The following COG5 variants were observed in gnomAD, a reference collection of about 807,000 sequenced individuals.
COG5 encodes the protein component of oligomeric golgi complex 5.
In COG5, 86 loss-of-function variants were observed where a neutral mutation model predicts 110.4. The ratio of observed to expected loss-of-function variants is 0.78; its 90% CI spans 0.65 to 0.93. COG5 has a LOEUF of 0.93. Among genes scored for constraint, COG5 ranks in the 40% least tolerant of loss-of-function variants. The pLI, the probability that COG5 is intolerant of heterozygous loss-of-function variation, is 0.00. For missense variants in COG5, 1,077 were observed against 987.0 expected (o/e 1.09, Z -1.22); for synonymous variants, 360 against 334.6 (o/e 1.08, Z -0.83).
At chr7:107,384,844 G>A (rs1317684834) in intron 7 of COG5, among the ~76,000 whole-genome samples, 1 of 152,190 alleles carries the variant, frequency 6.6e-6, no homozygotes, top group African/African-American at 2.4e-5. Context: ...AGAACTGTGA[G>A]GAAATAAACT....
chr7:107,534,064 C>A (rs1423000716), intron 5 of COG5, among the ~76,000 whole-genome samples: 4 of 151,588 alleles, frequency 2.6e-5, no homozygotes, highest in African/African-American at 9.8e-5. Context: ...TCCAGCCAAA[C>A]TAAGCATCAT....
intron 5 of COG5, 121 bp downstream of exon 5, chr7:107,547,990 C>T: frequency 1.2e-6 from 1 of 820,946 alleles, no homozygotes; most frequent in Non-Finnish European, 2.0e-6. Flanking sequence ...ATTTTTTTCT[C>T]CTTTTCTCTT....
rs766766462 is a variant in COG5 at position 107,474,885 on chromosome 7, T to C, written c.538+52352A>G. Reference sequence around the variant, plus strand: ...AGGCTACAGACATGTCACAAAGCAGTGGTGGGAGAAATGTAGTCTTTGGTG... The same window carrying C: ...AGGCTACAGACATGTCACAAAGCAGCGGTGGGAGAAATGTAGTCTTTGGTG... On this transcript the variant is annotated intron_variant, in intron 6 of 21. Coordinates refer to ENST00000297135, the MANE Select transcript of COG5 (RefSeq NM_006348.5). The surrounding 1 kb of genome is among the most constrained non-coding windows in gnomAD (Gnocchi z 5.7). 3 of 1,613,086 alleles carry C rather than the reference T, an allele frequency of 1.9e-6. No homozygotes were observed. Among genetic ancestry groups the C allele is most frequent in the Non-Finnish European group, 2.5e-6 (3 of 1,179,500 alleles).
At chr7:107,305,668 G>C (rs1022315200) in intron 11 of COG5, among the ~76,000 whole-genome samples, 3 of 152,050 alleles carry the variant, frequency 2.0e-5, no homozygotes. Context: ...ACTGGGGAAG[G>C]ATCTGCTTCC....
intron 6 of COG5, among the ~76,000 whole-genome samples, chr7:107,477,049 T>C (rs920295260): frequency 1.3e-5 from 2 of 151,716 alleles, no homozygotes; most frequent in African/African-American, 4.8e-5. Flanking sequence ...TTTAAAAAAA[T>C]GCTTCAATTT....
At chr7:107,394,380 CCT>C (rs1790839788) in intron 7 of COG5, among the ~76,000 whole-genome samples, 1 of 151,522 alleles carries the variant, frequency 6.6e-6, no homozygotes, top group Admixed American at 6.6e-5. Flanking sequence ...AAATATTTCC[CCT>C]GCTTTAGAAA....
chr7:107,278,018 T>A (rs1804842008), intron 14 of COG5, among the ~76,000 whole-genome samples: 1 of 152,140 alleles, frequency 6.6e-6, no homozygotes. Flanking sequence ...CTGATATGAA[T>A]AAAATCTATA....
At chr7:107,433,660 C>T (rs538958917) in intron 6 of COG5, among the ~76,000 whole-genome samples, 34 of 152,222 alleles carry the variant, frequency 2.2e-4, no homozygotes, top group South Asian at 8.3e-4. Context: ...CTTAGCTATA[C>T]GCAAAATTTA....
intron 10 of COG5, among the ~76,000 whole-genome samples, chr7:107,352,107 T>C (rs13234621): frequency 6.8e-6 from 1 of 147,300 alleles, no homozygotes; most frequent in East Asian, 2.0e-4. Context: ...GGCACATATA[T>C]ACCATGGAAT....
At chr7:107,511,513 G>A (rs895512127) in intron 6 of COG5, among the ~76,000 whole-genome samples, 4 of 152,114 alleles carry the variant, frequency 2.6e-5, no homozygotes, top group Admixed American at 2.6e-4. Flanking sequence ...CCAATCAATA[G>A]AAAAAGAGGG....
chr7:107,326,761 T>G (rs1193769769), intron 10 of COG5, among the ~76,000 whole-genome samples: 4 of 152,170 alleles, frequency 2.6e-5, no homozygotes, highest in Non-Finnish European at 5.9e-5. Flanking sequence ...ATGGCATTTT[T>G]GCAGAAATAA....
intron 6 of COG5, among the ~76,000 whole-genome samples, chr7:107,482,604 G>GA (rs11365572): frequency 3.3e-5 from 5 of 151,446 alleles, no homozygotes; most frequent in African/African-American, 4.9e-5. Flanking sequence ...CTGCCTTCTT[G>GA]AAAAAAAACT....
intron 6 of COG5, among the ~76,000 whole-genome samples, chr7:107,479,888 A>C (rs1797224017): frequency 6.6e-6 from 1 of 152,170 alleles, no homozygotes; most frequent in Non-Finnish European, 1.5e-5. Context: ...TATTTTAACT[A>C]TAAAAATACA....
intron 16 of COG5, 38 bp from the exon 17 acceptor site, chr7:107,248,537 G>T: frequency 7.0e-7 from 1 of 1,427,070 alleles, no homozygotes; most frequent in Non-Finnish European, 9.7e-7. Context: ...GAAGAGGCAA[G>T]ATTAAAGAAA....
At chr7:107,422,536 C>G (rs1376688622) in intron 6 of COG5, among the ~76,000 whole-genome samples, 3 of 151,608 alleles carry the variant, frequency 2.0e-5, no homozygotes, top group Non-Finnish European at 4.4e-5. Flanking sequence ...TCAGACAAAA[C>G]AAAACTAAAC....
chr7:107,270,882 C>CTTTTTTTTTTTTTTTTT lies in COG5; in HGVS notation c.1575+10401_1575+10417dup, dbSNP rs56971368. ...TTATACTTCATTATCCTAACTAGAA[C>CTTTTTTTTTTTTTTTTT]TTTTTTTTTTTTTTTTTTTTTTTTT... On this transcript the variant is annotated intron_variant, in intron 14 of 21. Transcript: ENST00000297135. 3.8e-4 allele frequency among the ~76,000 whole-genome samples: 26 copies of CTTTTTTTTTTTTTTTTT among 68,748 alleles called. 3 individuals are homozygous for CTTTTTTTTTTTTTTTTT. Among genetic ancestry groups the CTTTTTTTTTTTTTTTTT allele is most frequent in the Non-Finnish European group, 5.1e-4 (20 of 38,996 alleles). 45.1% of individuals were successfully genotyped at this position (68,748 alleles called of 152,430 possible). A position where few individuals can be genotyped will look rare whatever the true frequency, so the allele number is the denominator to read the frequency against.
At chr7:107,355,190 A>C (rs1315433422) in intron 10 of COG5, among the ~76,000 whole-genome samples, 3 of 152,206 alleles carry the variant, frequency 2.0e-5, no homozygotes, top group African/African-American at 4.8e-5. Context: ...AATCTACAGG[A>C]AAACATAAAT....
At chr7:107,515,675 A>G (rs67754921) in intron 6 of COG5, among the ~76,000 whole-genome samples, 11,366 of 152,242 alleles carry the variant, frequency 0.075, 540 homozygotes, top group African/African-American at 0.13. Context: ...ACTTTAATGT[A>G]AAAGCTGGGC....
intron 16 of COG5, among the ~76,000 whole-genome samples, chr7:107,254,489 TCTAA>T (rs1249344480): frequency 1.3e-5 from 2 of 152,112 alleles, no homozygotes; most frequent in African/African-American, 2.4e-5. Flanking sequence ...CAATGAAGTC[TCTAA>T]CTGATGAGGC....
Sources: allele counts gnomAD v4.1 joint callset (sites outside exome capture counted in the v4.1 genomes callset), GRCh38; gene constraint gnomAD v4.1.1; non-coding constraint Gnocchi (gnomAD v3.1); transcripts MANE v1.5; gene names NCBI Gene and HGNC (gene_info 2026-07-23, HGNC 2026-07-21).